CNTN3: variants seen among roughly 807,000 people sequenced by gnomAD.
CNTN3 encodes contactin 3, also known as contactin-3.
CNTN3 carries 60 observed loss-of-function variants against 119.1 expected under a neutral mutation model. The ratio of observed to expected loss-of-function variants is 0.50; its 90% CI spans 0.41 to 0.62. The LOEUF (loss-of-function observed/expected upper bound fraction) is 0.62. Among genes scored for constraint, CNTN3 ranks in the 20% least tolerant of loss-of-function variants. CNTN3 has a pLI of 0.00. For synonymous variants in CNTN3, 450 were observed against 438.7 expected, an observed-to-expected ratio of 1.03 and a Z score of -0.32; for missense variants, 1,101 against 1,242.4, an observed-to-expected ratio of 0.89 and a Z score of 1.71.
At chr3:74,462,608 T>C (rs898971250) in intron 4 of CNTN3, among the ~76,000 whole-genome samples, 2 of 152,122 alleles carry the variant, frequency 1.3e-5, no homozygotes, top group African/African-American at 4.8e-5. Context: ...GTAGCCCCAC[T>C]GTTCTTTAGG....
At chr3:74,573,915 G>T (rs1377021299) in intron 1 of CNTN3, among the ~76,000 whole-genome samples, 2 of 152,076 alleles carry the variant, frequency 1.3e-5, no homozygotes, top group African/African-American at 4.8e-5. Flanking sequence ...TAAACCTAGA[G>T]TTACTATGTG....
intron 1 of CNTN3, among the ~76,000 whole-genome samples, chr3:74,542,722 T>A (rs1398332671): frequency 6.6e-6 from 1 of 152,242 alleles, no homozygotes; most frequent in Non-Finnish European, 1.5e-5. Context: ...ATATATTGTT[T>A]AAACAGTGTT....
intron 3 of CNTN3, among the ~76,000 whole-genome samples, chr3:74,499,201 T>C (rs888184394): frequency 2.6e-5 from 4 of 151,922 alleles, no homozygotes; most frequent in African/African-American, 9.7e-5. Context: ...TCAAAAATCA[T>C]TAAAATGACT....
Position 74,463,306 on chromosome 3 carries a change from A to C in CNTN3, c.358+23150T>G, listed in dbSNP as rs184248982. Among the ~76,000 whole-genome samples, 49 of 152,266 alleles carry C rather than the reference A, an allele frequency of 3.2e-4. No individual in the cohort carries two copies. In the East Asian group the frequency reaches 9.5e-3, roughly 30 times the overall value. On this transcript the variant is annotated intron_variant, in intron 4 of 22. Transcript: ENST00000263665. Reference sequence around the variant, plus strand: ...CTCCCATAGAGTTTAGTATCTATGAATATCTGAAAATGGCTGATAGATAAC... The same window carrying C: ...CTCCCATAGAGTTTAGTATCTATGACTATCTGAAAATGGCTGATAGATAAC...
intron 2 of CNTN3, among the ~76,000 whole-genome samples, chr3:74,501,443 C>G (rs1703164893): frequency 6.6e-6 from 1 of 152,024 alleles, no homozygotes; most frequent in South Asian, 2.1e-4. Flanking sequence ...GCGTTTGAAA[C>G]CTTCCAGACT....
chr3:74,324,691 C>A (rs1703086361), intron 13 of CNTN3, among the ~76,000 whole-genome samples: 1 of 152,040 alleles, frequency 6.6e-6, no homozygotes, highest in Non-Finnish European at 1.5e-5. Context: ...ATCTGCCTGT[C>A]TCTCCTCAAA....
intron 1 of CNTN3, among the ~76,000 whole-genome samples, chr3:74,594,418 T>A (rs1287529775): frequency 6.6e-6 from 1 of 151,874 alleles, no homozygotes; most frequent in Non-Finnish European, 1.5e-5. Context: ...GCATTAGGTA[T>A]ATCTCCTAAT....
chr3:74,276,487 C>A (rs748431435), intron 20 of CNTN3, among the ~76,000 whole-genome samples: 8 of 152,084 alleles, frequency 5.3e-5, no homozygotes, highest in African/African-American at 1.4e-4. Flanking sequence ...CCAAAAGGAA[C>A]CTTTAAAACC....
At chr3:74,471,609 C>A (rs1054629163) in intron 4 of CNTN3, among the ~76,000 whole-genome samples, 1 of 152,150 alleles carries the variant, frequency 6.6e-6, no homozygotes, top group Non-Finnish European at 1.5e-5. Flanking sequence ...TGATGGTTTA[C>A]ATAAACTTGA....
chr3:74,380,030 T>G (rs555644698), intron 5 of CNTN3, among the ~76,000 whole-genome samples: 60 of 152,346 alleles, frequency 3.9e-4, no homozygotes, highest in Non-Finnish European at 8.2e-4. Context: ...ACCTGGACTT[T>G]CTGGTACAGT....
rs1320097706 is a variant in CNTN3, at chr3:74,588,877, T to C, written c.-81+25514A>G. Among the ~76,000 whole-genome samples the C allele has an allele frequency of 3.9e-5, 6 of 152,144 alleles. No homozygotes were observed. The South Asian group carries it at 1.2e-3, about 31-fold the overall frequency. ...GGGAAAGGATTCCCTATTTAATAAATGGTGGTGGGAAAACTGGCTAGCCAT... is the reference window on the plus strand; with the variant it reads ...GGGAAAGGATTCCCTATTTAATAAACGGTGGTGGGAAAACTGGCTAGCCAT... On this transcript the variant is annotated intron_variant, in intron 1 of 22. Coordinates refer to ENST00000263665, the MANE Select transcript of CNTN3 (RefSeq NM_020872.3).
chr3:74,492,228 T>C (rs1702977251), intron 3 of CNTN3, among the ~76,000 whole-genome samples: 1 of 152,164 alleles, frequency 6.6e-6, no homozygotes, highest in African/African-American at 2.4e-5. Context: ...ATCTAGTAAT[T>C]CTCAATGAGC....
chr3:74,461,892 G>A lies in CNTN3; in HGVS notation c.358+24564C>T, dbSNP rs561568159. Among the ~76,000 whole-genome samples the A allele has an allele frequency of 2.6e-5, 4 of 152,160 alleles. No individual in the cohort carries two copies. In the South Asian group the frequency reaches 8.3e-4, roughly 32 times the overall value. ...AACTACAAGCAATACTGACCACATG[G>A]ATATTAAGCAAACTATGCCTCCTGA... On this transcript the variant is annotated intron_variant, in intron 4 of 22. Transcript: ENST00000263665.
chr3:74,452,098 C>G (rs1266001157), intron 4 of CNTN3, among the ~76,000 whole-genome samples: 5 of 144,936 alleles, frequency 3.4e-5, no homozygotes, highest in African/African-American at 1.3e-4. Flanking sequence ...CTATAAATTA[C>G]CTTGGGCAGT....
At chr3:74,429,432 G>T (rs932995179) in intron 4 of CNTN3, among the ~76,000 whole-genome samples, 11 of 128,278 alleles carry the variant, frequency 8.6e-5, no homozygotes, top group African/African-American at 2.9e-4. Flanking sequence ...CAATTCAATG[G>T]AAGGAGAGAA....
At chr3:74,594,045 C>T (rs1183203294) in intron 1 of CNTN3, among the ~76,000 whole-genome samples, 2 of 151,778 alleles carry the variant, frequency 1.3e-5, no homozygotes, top group Admixed American at 6.6e-5. Context: ...CCAAACAAAA[C>T]ATTTTATTCT....
chr3:74,293,936 C>T (rs147222321), intron 19 of CNTN3, among the ~76,000 whole-genome samples: 3 of 152,318 alleles, frequency 2.0e-5, no homozygotes, highest in African/African-American at 7.2e-5. Flanking sequence ...TACTGCATTA[C>T]ACTCACTAAC....
intron 4 of CNTN3, among the ~76,000 whole-genome samples, chr3:74,431,084 C>A (rs1315752340): frequency 6.6e-6 from 1 of 152,072 alleles, no homozygotes; most frequent in Non-Finnish European, 1.5e-5. Context: ...TCACATGGAC[C>A]ATTTCTGGTG....
intron 5 of CNTN3, among the ~76,000 whole-genome samples, chr3:74,410,214 T>C (rs1052089370): frequency 1.3e-5 from 2 of 152,172 alleles, no homozygotes; most frequent in African/African-American, 4.8e-5. Flanking sequence ...TCCCATTGTA[T>C]GGCTCAGGAC....
Sources: gnomAD v4.1 joint callset for allele counts (sites outside exome capture counted in the v4.1 genomes callset) on GRCh38, gnomAD v4.1.1 for gene constraint, MANE v1.5 for transcripts, NCBI Gene and HGNC (gene_info 2026-07-23, HGNC 2026-07-21) for gene names.